Variants in TSPAN19 observed in about 807,000 individuals in gnomAD.
TSPAN19 encodes the protein tetraspanin-19.
In TSPAN19, 44 loss-of-function variants were observed where a neutral mutation model predicts 35.1. The observed-to-expected ratio is 1.25, with a 90% CI of 0.98 to 1.61. The LOEUF is 1.61. Ranked by LOEUF, TSPAN19 falls within the 40% of genes most tolerant of loss-of-function variation. TSPAN19 has a pLI of 0.00. For missense variants in TSPAN19, 290 were observed against 280.0 expected (o/e 1.04, Z -0.26); for synonymous variants, 79 against 92.0 (o/e 0.86, Z 0.81).
chr12:85,014,488 C>T lies in TSPAN19; in HGVS notation c.746G>A (p.Ter249=). The part of the protein sequence containing the change: ...NIKNIIHAEM[*] ...TCTGAACAAATTGAAATCCAAAGGTCACATTTCTGCATGGATTATATTCTT... is the reference window on the plus strand; with the variant it reads ...TCTGAACAAATTGAAATCCAAAGGTTACATTTCTGCATGGATTATATTCTT... The change falls in exon 9 of 9, where the codon TGA becomes TAA. Residue 249 remains the stop codon, a stop_retained_variant. Transcript: ENST00000532498. The T allele has an allele frequency of 1.9e-6, 3 of 1,592,850 alleles. No individual in the cohort carries two copies. The highest frequency in any genetic ancestry group is 2.6e-6 in the Non-Finnish European group (3 of 1,167,774).
intron 3 of TSPAN19, 46 bp downstream of exon 3, chr12:85,029,673 A>G: frequency 7.1e-7 from 1 of 1,399,468 alleles, no homozygotes; most frequent in Non-Finnish European, 9.7e-7. Context: ...ACTGTTAAAA[A>G]TTGAATGTCT....
intron 5 of TSPAN19, among the ~76,000 whole-genome samples, chr12:85,020,819 A>ATCTTTATTTTTTGG (rs1240262104): frequency 1.3e-5 from 2 of 151,946 alleles, no homozygotes; most frequent in African/African-American, 2.4e-5. Flanking sequence ...ATTTCCTTGG[A>ATCTTTATTTTTTGG]TCTTTATTTT....
At chr12:85,030,615 A>C (rs997776926) in intron 1 of TSPAN19, among the ~76,000 whole-genome samples, 2 of 152,130 alleles carry the variant, frequency 1.3e-5, no homozygotes, top group African/African-American at 2.4e-5. Context: ...CACAGCAGGT[A>C]CTTGATATAT....
At chr12:85,020,083 C>G (rs1877042938) in intron 5 of TSPAN19, among the ~76,000 whole-genome samples, 1 of 151,888 alleles carries the variant, frequency 6.6e-6, no homozygotes, top group Non-Finnish European at 1.5e-5. Flanking sequence ...TGTTGAGTGT[C>G]TTTTCAATGG....
At chr12:85,024,305 C>T (rs1877280606) in intron 4 of TSPAN19, among the ~76,000 whole-genome samples, 1 of 152,156 alleles carries the variant, frequency 6.6e-6, no homozygotes, top group Non-Finnish European at 1.5e-5. Flanking sequence ...CAGGAGATGA[C>T]TGAAGACAGT....
intron 5 of TSPAN19, among the ~76,000 whole-genome samples, chr12:85,020,523 G>A (rs903769688): frequency 1.3e-5 from 2 of 151,962 alleles, no homozygotes; most frequent in Admixed American, 1.3e-4. Context: ...CTTGGTATGT[G>A]AGTATTTTAA....
At chr12:85,023,189 T>G (rs998465439) in intron 5 of TSPAN19, 137 bp downstream of exon 5, 4 of 718,112 alleles carry the variant, frequency 5.6e-6, no homozygotes, top group Non-Finnish European at 9.1e-6. Flanking sequence ...CTAGTACTTT[T>G]GTTAAATATT....
intron 3 of TSPAN19, 58 bp downstream of exon 3, chr12:85,029,661 C>T (rs1484368688): frequency 1.1e-5 from 14 of 1,300,002 alleles, no homozygotes; most frequent in Non-Finnish European, 1.4e-5. Context: ...ATTGTGTATA[C>T]AACTGTTAAA....
chr12:85,025,284 C>A (rs1228190489), intron 4 of TSPAN19, among the ~76,000 whole-genome samples: 1 of 148,486 alleles, frequency 6.7e-6, no homozygotes, highest in Admixed American at 6.7e-5. Flanking sequence ...TACCAGTGCC[C>A]ACCACCACAC....
At chr12:85,030,693 T>A (rs2135816695) in intron 1 of TSPAN19, among the ~76,000 whole-genome samples, 1 of 152,204 alleles carries the variant, frequency 6.6e-6, no homozygotes, top group Admixed American at 6.6e-5. Flanking sequence ...TAGTATGCAG[T>A]ATATAAAAAA....
chr12:85,022,298 T>A (rs936218056), intron 5 of TSPAN19, among the ~76,000 whole-genome samples: 5 of 152,014 alleles, frequency 3.3e-5, no homozygotes, highest in Non-Finnish European at 7.4e-5. Flanking sequence ...CCATTAACAG[T>A]AGGCACTGGA....
intron 3 of TSPAN19, 110 bp downstream of exon 3, chr12:85,029,609 C>G: frequency 1.1e-6 from 1 of 887,976 alleles, no homozygotes. Flanking sequence ...GAATGCTGGA[C>G]ACTTAATAAA....
intron 1 of TSPAN19, among the ~76,000 whole-genome samples, chr12:85,034,719 A>G (rs984056210): frequency 4.2e-4 from 64 of 152,200 alleles, no homozygotes; most frequent in African/African-American, 1.4e-3. Flanking sequence ...AATGTATTAG[A>G]TAACTGCTGC....
At chr12:85,015,755 A>T in intron 8 of TSPAN19, 133 bp downstream of exon 8, 1 of 600,318 alleles carries the variant, frequency 1.7e-6, no homozygotes, top group Admixed American at 3.8e-5. Flanking sequence ...CAACTCTTGG[A>T]TGTAAAGAGC....
chr12:85,032,460 G>A (rs1592668998), intron 1 of TSPAN19, among the ~76,000 whole-genome samples: 1 of 152,118 alleles, frequency 6.6e-6, no homozygotes, highest in Admixed American at 6.6e-5. Context: ...GTGTTACATG[G>A]TATAGAAGTC....
At chr12:85,016,138 G>T in intron 7 of TSPAN19, 167 bp from the exon 8 acceptor site, 1 of 477,852 alleles carries the variant, frequency 2.1e-6, no homozygotes, top group Non-Finnish European at 3.7e-6. Flanking sequence ...GCTTTCTACG[G>T]CAGCAGGACA....
chr12:85,015,881 AG>A lies in TSPAN19; in HGVS notation c.678+6del, dbSNP rs1195305688. On this transcript the variant is annotated splice_donor_region_variant and intron_variant, in intron 8 of 8. Coordinates refer to ENST00000532498, the MANE Select transcript of TSPAN19 (RefSeq NM_001100917.2). ...TTTTTCATTTTAACATATGAACAAA[AG>A]CTTACCTCTGAAGTTAAAAGTCCAA... is the stretch of plus-strand genomic sequence containing the variant. The A allele has an allele frequency of 6.5e-7, 1 of 1,537,024 alleles. No individual in the cohort carries two copies. Among genetic ancestry groups the A allele is most frequent in the East Asian group, 2.4e-5 (1 of 40,954 alleles).
Position 85,014,433 on chromosome 12 carries a change from A to G in TSPAN19, c.*54T>C. Reference sequence around the variant, plus strand: ...AACGTTTTTGGAATAAAATAATATAATGTGATTTTTTAAGAATTAACTGGT... The same window carrying G: ...AACGTTTTTGGAATAAAATAATATAGTGTGATTTTTTAAGAATTAACTGGT... On this transcript the variant is annotated 3_prime_UTR_variant, in exon 9 of 9. Coordinates refer to ENST00000532498, the MANE Select transcript of TSPAN19 (RefSeq NM_001100917.2). 2 of 1,281,502 alleles carry G rather than the reference A, an allele frequency of 1.6e-6. No homozygotes were observed. Among genetic ancestry groups the G allele is most frequent in the Non-Finnish European group, 1.1e-6 (1 of 903,772 alleles). The allele number at this position is 1,281,502 out of a possible 1,614,324, so 79.4% of individuals were successfully genotyped here. A position where few individuals can be genotyped will look rare whatever the true frequency, so the allele number is the denominator to read the frequency against.
chr12:85,035,944 TA>T (rs1321082488), intron 1 of TSPAN19, among the ~76,000 whole-genome samples: 1 of 152,088 alleles, frequency 6.6e-6, no homozygotes, highest in East Asian at 1.9e-4. Context: ...TTTTCTTTTT[TA>T]AAAAACTGTT....
Sources: gnomAD v4.1 joint callset for allele counts (sites outside exome capture counted in the v4.1 genomes callset) on GRCh38, gnomAD v4.1.1 for gene constraint, MANE v1.5 for transcripts, NCBI Gene and HGNC (gene_info 2026-07-23, HGNC 2026-07-21) for gene names.